Variants in LRP1B observed in about 807,000 individuals in gnomAD.
The protein encoded by LRP1B is LDL receptor related protein 1B.
Under a neutral mutation model 556.6 loss-of-function variants are expected in LRP1B, and 217 were observed. That is an observed-to-expected ratio of 0.39 (90% CI 0.35 to 0.44). LRP1B has a LOEUF of 0.44. Among genes scored for constraint, LRP1B ranks in the 20% least tolerant of loss-of-function variants. The pLI, the probability that LRP1B is intolerant of heterozygous loss-of-function variation, is 1.00. For synonymous variants in LRP1B, 2,047 were observed against 1,865.8 expected (o/e 1.10, Z -2.50); for missense variants, 5,053 against 5,620.8 (o/e 0.90, Z 3.23).
intron 23 of LRP1B, among the ~76,000 whole-genome samples, chr2:140,896,619 C>T (rs1693961930): frequency 6.6e-6 from 1 of 152,084 alleles, no homozygotes; most frequent in Non-Finnish European, 1.5e-5. Flanking sequence ...GTAGCTGGGA[C>T]CACAGACATG....
chr2:140,238,547 C>G (rs1204130722), intron 88 of LRP1B, among the ~76,000 whole-genome samples: 1 of 150,822 alleles, frequency 6.6e-6, no homozygotes, highest in East Asian at 2.0e-4. Flanking sequence ...TGAATATTTA[C>G]CAATCTTTTT....
At chr2:141,269,990 A>G (rs1259574665) in intron 3 of LRP1B, among the ~76,000 whole-genome samples, 2 of 152,144 alleles carry the variant, frequency 1.3e-5, no homozygotes, top group African/African-American at 4.8e-5. Flanking sequence ...TAAGTGGGAC[A>G]TGATCAGAAT....
At chr2:140,493,647 GA>G (rs202051940) in intron 56 of LRP1B, among the ~76,000 whole-genome samples, 20 of 148,192 alleles carry the variant, frequency 1.3e-4, no homozygotes, top group Non-Finnish European at 7.5e-5. Context: ...ATAGAAATTA[GA>G]AAAAAAAACA....
intron 35 of LRP1B, among the ~76,000 whole-genome samples, chr2:140,765,084 C>T (rs549117623): frequency 6.6e-6 from 1 of 152,184 alleles, no homozygotes; most frequent in Admixed American, 6.6e-5. Context: ...CCACCTCTGC[C>T]TTCCAAAGTG....
chr2:141,756,489 G>A (rs1239072348), intron 2 of LRP1B, among the ~76,000 whole-genome samples: 1 of 150,276 alleles, frequency 6.7e-6, no homozygotes, highest in Non-Finnish European at 1.5e-5. Flanking sequence ...AATAAGAAAG[G>A]TTATAAGCTT....
chr2:141,022,884 C>A (rs532329346), intron 11 of LRP1B, among the ~76,000 whole-genome samples: 1 of 151,876 alleles, frequency 6.6e-6, no homozygotes, highest in East Asian at 1.9e-4. Flanking sequence ...ATTATTATTG[C>A]ATAACTAATA....
At chr2:141,462,086 G>T (rs747119084) in intron 3 of LRP1B, among the ~76,000 whole-genome samples, 1 of 152,108 alleles carries the variant, frequency 6.6e-6, no homozygotes, top group Non-Finnish European at 1.5e-5. Flanking sequence ...AATAAAGTTG[G>T]TATAAATCAA....
chr2:141,606,311 G>A (rs991573238), intron 2 of LRP1B, among the ~76,000 whole-genome samples: 6 of 152,092 alleles, frequency 3.9e-5, no homozygotes, highest in African/African-American at 1.4e-4. Context: ...AATGTATGCA[G>A]GTAATAATAT....
intron 3 of LRP1B, among the ~76,000 whole-genome samples, chr2:141,308,579 T>A (rs1419270335): frequency 6.6e-6 from 1 of 152,208 alleles, no homozygotes; most frequent in African/African-American, 2.4e-5. Context: ...TCAGACTACC[T>A]AGTACTGCCT....
rs577144244 is a variant in LRP1B at position 142,099,387 on chromosome 2, C to G, written c.82+31261G>C. 1.8e-3 allele frequency among the ~76,000 whole-genome samples: 270 copies of G among 151,814 alleles called. 2 individuals are homozygous for G. Among genetic ancestry groups the G allele is most frequent in the African/African-American group, 6.0e-3 (247 of 41,476 alleles). The stretch of plus-strand genomic sequence containing the variant: ...GCTACAAACCTATTTTATACAAAGT[C>G]CTTTACGTAACATTGCAGACAGATA... On this transcript the variant is annotated intron_variant, in intron 1 of 90. Coordinates refer to ENST00000389484, the MANE Select transcript of LRP1B (RefSeq NM_018557.3).
intron 1 of LRP1B, among the ~76,000 whole-genome samples, chr2:141,825,540 T>A (rs912190124): frequency 1.3e-5 from 2 of 152,226 alleles, no homozygotes; most frequent in Non-Finnish European, 2.9e-5. Flanking sequence ...TGTAGATGTA[T>A]ATCAAAACCC....
At chr2:141,890,171 A>C (rs1699239492) in intron 1 of LRP1B, among the ~76,000 whole-genome samples, 1 of 151,898 alleles carries the variant, frequency 6.6e-6, no homozygotes, top group South Asian at 2.1e-4. Context: ...ATGGTCATAC[A>C]TAATTCATGG....
intron 1 of LRP1B, among the ~76,000 whole-genome samples, chr2:142,002,434 T>G (rs1044202872): frequency 2.6e-5 from 4 of 151,958 alleles, no homozygotes; most frequent in Non-Finnish European, 1.5e-5. Flanking sequence ...AAACTAATGA[T>G]TCATAAAATC....
intron 66 of LRP1B, among the ~76,000 whole-genome samples, chr2:140,426,453 A>T (rs1474132976): frequency 5.9e-5 from 9 of 152,198 alleles, no homozygotes; most frequent in Middle Eastern, 3.2e-3. Context: ...TTACACATCC[A>T]GATGGCCGGT....
chr2:141,248,455 A>T (rs1391523138), intron 4 of LRP1B, among the ~76,000 whole-genome samples: 3 of 152,200 alleles, frequency 2.0e-5, no homozygotes, highest in Non-Finnish European at 4.4e-5. Context: ...TTAAGTGAAG[A>T]CTTCGTATTA....
intron 1 of LRP1B, among the ~76,000 whole-genome samples, chr2:142,032,621 C>T (rs996415740): frequency 9.9e-5 from 15 of 151,850 alleles, no homozygotes; most frequent in Non-Finnish European, 1.9e-4. Flanking sequence ...TTAGGAGCCT[C>T]TCTCTGTCTC....
intron 41 of LRP1B, among the ~76,000 whole-genome samples, chr2:140,603,964 G>A (rs993088681): frequency 2.0e-5 from 3 of 152,044 alleles, no homozygotes; most frequent in Admixed American, 6.6e-5. Flanking sequence ...ATATGTGTGT[G>A]TGTGCACACA....
chr2:141,855,889 A>C (rs958517331), intron 1 of LRP1B, among the ~76,000 whole-genome samples: 1 of 152,216 alleles, frequency 6.6e-6, no homozygotes, highest in Non-Finnish European at 1.5e-5. Flanking sequence ...CACAACCTGT[A>C]TTAATTAATT....
At chr2:140,796,692 G>A (rs1690327677) in intron 32 of LRP1B, among the ~76,000 whole-genome samples, 1 of 152,078 alleles carries the variant, frequency 6.6e-6, no homozygotes, top group African/African-American at 2.4e-5. Flanking sequence ...ACATTGCTCA[G>A]TGCGCACTGC....
Sources: gnomAD v4.1 joint callset for allele counts (sites outside exome capture counted in the v4.1 genomes callset) on GRCh38, gnomAD v4.1.1 for gene constraint, MANE v1.5 for transcripts, NCBI Gene and HGNC (gene_info 2026-07-23, HGNC 2026-07-21) for gene names.